Variants in SHPRH observed in about 807,000 individuals in gnomAD.
SHPRH encodes SNF2 histone linker PHD RING helicase.
SHPRH carries 106 observed loss-of-function variants against 202.5 expected under a neutral mutation model. That is an observed-to-expected ratio of 0.52 (90% CI 0.45 to 0.62). The LOEUF is 0.62. Among genes scored for constraint, SHPRH ranks in the 20% least tolerant of loss-of-function variants. SHPRH has a pLI of 0.00. For synonymous variants in SHPRH, 729 were observed against 686.0 expected, an observed-to-expected ratio of 1.06 and a Z score of -0.98; for missense variants, 1,710 against 2,020.0, an observed-to-expected ratio of 0.85 and a Z score of 2.94.
intron 25 of SHPRH, among the ~76,000 whole-genome samples, chr6:145,898,254 T>C (rs755043011): frequency 2.2e-4 from 33 of 152,020 alleles, no homozygotes; most frequent in Non-Finnish European, 4.3e-4. Context: ...TATAATGTCA[T>C]AAAAAAATGC....
downstream of SHPRH, among the ~76,000 whole-genome samples, chr6:145,880,567 T>C (rs1337625697): frequency 6.6e-6 from 1 of 151,052 alleles, no homozygotes; most frequent in African/African-American, 2.4e-5. Context: ...AGGTTGAGGC[T>C]GCAGTGAGTC....
intron 24 of SHPRH, among the ~76,000 whole-genome samples, chr6:145,912,894 T>C (rs528159847): frequency 1.9e-3 from 292 of 152,180 alleles, no homozygotes; most frequent in African/African-American, 6.7e-3. Flanking sequence ...GAAACTTGTA[T>C]TTTCATAAAT....
chr6:145,896,869 T>A (rs759986285), intron 25 of SHPRH, among the ~76,000 whole-genome samples: 13 of 151,766 alleles, frequency 8.6e-5, no homozygotes, highest in Non-Finnish European at 1.5e-4. Context: ...AAATACAACA[T>A]AACAAAAGGT....
chr6:145,964,066 G>C lies in SHPRH; in HGVS notation c.-368C>G, dbSNP rs1207867304. 1 of 152,310 alleles carries C rather than the reference G, an allele frequency of 6.6e-6. No individual in the cohort carries two copies. The highest frequency in any genetic ancestry group is 1.5e-5 in the Non-Finnish European group (1 of 68,192). 9.4% of individuals were successfully genotyped at this position (152,310 alleles called of 1,614,324 possible). On this transcript the variant is annotated 5_prime_UTR_variant, in exon 1 of 30. Coordinates refer to ENST00000275233, the MANE Select transcript of SHPRH (RefSeq NM_001042683.3). The stretch of plus-strand genomic sequence containing the variant: ...CTTCCCGGGCTCCAGGACAACCAGC[G>C]TCCTCCCTCCCTGGTCCCGGAGGCC...
At chr6:145,963,295 G>C (rs1235178784) in intron 1 of SHPRH, among the ~76,000 whole-genome samples, 1 of 152,074 alleles carries the variant, frequency 6.6e-6, no homozygotes, top group African/African-American at 2.4e-5. Flanking sequence ...ATGCCCACTG[G>C]AATAATTTAA....
intron 18 of SHPRH, 147 bp downstream of exon 18, chr6:145,923,496 C>A (rs532208766): frequency 3.0e-6 from 3 of 996,112 alleles, no homozygotes; most frequent in African/African-American, 1.6e-5. Flanking sequence ...ATAAAAAAGG[C>A]TGCAAAAAAG....
At chr6:145,896,793 C>CCA (rs1782048830) in intron 25 of SHPRH, among the ~76,000 whole-genome samples, 1 of 151,942 alleles carries the variant, frequency 6.6e-6, no homozygotes, top group Non-Finnish European at 1.5e-5. Context: ...TGCTCTTGAA[C>CCA]ATTCATTGGG....
chr6:145,955,237 C>G lies in SHPRH; in HGVS notation c.86G>C (p.Arg29Thr). ...QQLHWNMHED[R>T]RNEPIIISDD... ...ACTTATGATGATAGGTTCATTCCTT[C>G]TGTCCTCATGCATATTCCAATGAAG... The change falls in exon 2 of 30, where the codon AGA becomes ACA. Residue 29 changes from arginine to threonine, a missense_variant. Physicochemically the swap from Arg to Thr is moderately conservative, Grantham distance 71. Around this residue, in one of 8 missense-constraint regions of SHPRH, gnomAD observed 459 missense variants for 426.5 expected, o/e 1.08. Coordinates refer to ENST00000275233, the MANE Select transcript of SHPRH (RefSeq NM_001042683.3). 6.2e-7 allele frequency: 1 copy of G among 1,613,430 alleles called. No individual in the cohort carries two copies.
At chr6:145,948,579 C>T (rs1169876503) in intron 4 of SHPRH, among the ~76,000 whole-genome samples, 1 of 151,964 alleles carries the variant, frequency 6.6e-6, no homozygotes, top group African/African-American at 2.4e-5. Flanking sequence ...GTTTTGGGCA[C>T]AAATCCACAT....
downstream of SHPRH, among the ~76,000 whole-genome samples, chr6:145,863,685 T>A (rs1248118900): frequency 6.6e-6 from 1 of 152,170 alleles, no homozygotes; most frequent in Admixed American, 6.5e-5. Context: ...AATTTTTGCC[T>A]CTTTAGGAGT....
chr6:145,958,240 T>C (rs1788707327), intron 1 of SHPRH, among the ~76,000 whole-genome samples: 1 of 152,060 alleles, frequency 6.6e-6, no homozygotes, highest in African/African-American at 2.4e-5. Context: ...GATTGCAGAG[T>C]ATACATCTGT....
chr6:145,962,601 AAC>A (rs1789208891), intron 1 of SHPRH, among the ~76,000 whole-genome samples: 1 of 152,260 alleles, frequency 6.6e-6, no homozygotes, highest in African/African-American at 2.4e-5. Context: ...ACAAATGAAT[AAC>A]ACAACTTAAA....
At chr6:145,927,684 AGATT>A (rs1228881616) in intron 14 of SHPRH, among the ~76,000 whole-genome samples, 1 of 151,778 alleles carries the variant, frequency 6.6e-6, no homozygotes, top group East Asian at 1.9e-4. Flanking sequence ...AGGTAATTAT[AGATT>A]ATTTATTAAA....
chr6:145,911,322 A>C (rs1404426605), intron 24 of SHPRH, among the ~76,000 whole-genome samples: 1 of 152,006 alleles, frequency 6.6e-6, no homozygotes, highest in African/African-American at 2.4e-5. Context: ...TTTTTAGTAG[A>C]GAGGGGTTTC....
Position 145,943,697 on chromosome 6 carries a change from G to GATC in SHPRH, c.1681_1683dup (p.Asp561dup), listed in dbSNP as rs772702479. The GATC allele has an allele frequency of 2.3e-5, 37 of 1,613,458 alleles. No homozygotes were observed. Among genetic ancestry groups the GATC allele is most frequent in the Non-Finnish European group, 3.1e-5 (37 of 1,179,792 alleles). ...CTGGACTTATAATAATAATAGTAAG[G>GATC]ATCATCATCATCATCAGAGGTGTCT... On this transcript the variant is annotated inframe_insertion, in exon 9 of 30. Transcript: ENST00000275233.
Position 145,886,777 on chromosome 6 carries a change from A to G in SHPRH, c.4966T>C (p.Ser1656Pro), listed in dbSNP as rs1353356762. ...GAGGCCTCTGAATGCTTTGCTGATGAGTTCGTGTGACTGCAAGGTTTCCCA... is the reference window on the plus strand; with the variant it reads ...GAGGCCTCTGAATGCTTTGCTGATGGGTTCGTGTGACTGCAAGGTTTCCCA... ...LKTAERSHTN[S>P]SAKHSEASVL... The change falls in exon 30 of 30, where the codon TCA becomes CCA. Residue 1656 changes from serine to proline, a missense_variant. Ser to Pro is a moderately conservative substitution (Grantham distance 74). Transcript: ENST00000275233. 1 of 1,613,088 alleles carries G rather than the reference A, an allele frequency of 6.2e-7. No homozygotes were observed. The highest frequency in any genetic ancestry group is 1.3e-5 in the African/African-American group (1 of 75,006).
intron 2 of SHPRH, among the ~76,000 whole-genome samples, chr6:145,873,702 AGGAAGGAAGGAAGGGAG>A (rs1780161844): frequency 8.2e-6 from 1 of 121,356 alleles, no homozygotes; most frequent in African/African-American, 3.3e-5. Flanking sequence ...AGAGGAAGGA[AGGAAGGAAGGAAGGGAG>A]GGAGGGAGGG....
chr6:145,931,717 G>T (rs1038013326), intron 14 of SHPRH, among the ~76,000 whole-genome samples: 2 of 151,912 alleles, frequency 1.3e-5, no homozygotes, highest in Admixed American at 1.3e-4. Context: ...GGTGGCTGTA[G>T]GGTGCACATT....
intron 1 of SHPRH, among the ~76,000 whole-genome samples, chr6:145,960,409 G>A (rs1363330867): frequency 2.0e-5 from 3 of 152,114 alleles, no homozygotes; most frequent in Non-Finnish European, 4.4e-5. Context: ...AAGGGTAGAG[G>A]GAGTGTTGGA....
Sources: gnomAD v4.1 joint callset for allele counts (sites outside exome capture counted in the v4.1 genomes callset) on GRCh38, gnomAD v4.1.1 for gene constraint, gnomAD v4.1.1 regional missense constraint, MANE v1.5 for transcripts, NCBI Gene and HGNC (gene_info 2026-07-23, HGNC 2026-07-21) for gene names.